The following LRRC40 variants were observed in gnomAD, a reference collection of about 807,000 sequenced individuals.
The protein encoded by LRRC40 is leucine rich repeat containing 40.
In LRRC40, 76 loss-of-function variants were observed where a neutral mutation model predicts 72.8. The ratio of observed to expected loss-of-function variants is 1.04; its 90% CI spans 0.87 to 1.26. The LOEUF is 1.26. Ranked by LOEUF, LRRC40 falls within the 50% of genes most tolerant of loss-of-function variation. The pLI is 0.00. For missense variants in LRRC40, 684 were observed against 698.9 expected (o/e 0.98, Z 0.24); for synonymous variants, 243 against 254.2 (o/e 0.96, Z 0.42).
At chr1:70,165,210 A>G (rs1336261758) in intron 9 of LRRC40, among the ~76,000 whole-genome samples, 1 of 152,220 alleles carries the variant, frequency 6.6e-6, no homozygotes, top group Non-Finnish European at 1.5e-5. Context: ...TATTTGTAGG[A>G]TATCTGGGAC....
intron 10 of LRRC40, among the ~76,000 whole-genome samples, chr1:70,158,665 C>A (rs916453108): frequency 6.6e-6 from 1 of 151,976 alleles, no homozygotes; most frequent in East Asian, 1.9e-4. Context: ...TATTTGCTAC[C>A]ACAGCACATT....
intron 13 of LRRC40, among the ~76,000 whole-genome samples, chr1:70,150,873 G>GT (rs540313856): frequency 6.0e-4 from 91 of 152,268 alleles, no homozygotes; most frequent in African/African-American, 2.1e-3. Context: ...TAGAGCAATT[G>GT]TAATTATTTA....
intron 13 of LRRC40, among the ~76,000 whole-genome samples, chr1:70,149,149 T>C (rs1303637786): frequency 6.6e-6 from 1 of 152,220 alleles, no homozygotes; most frequent in Non-Finnish European, 1.5e-5. Context: ...CTGCTGGCTT[T>C]CTTGTCCAAG....
Position 70,173,811 on chromosome 1 carries a change from T to C in LRRC40, c.978-102A>G, listed in dbSNP as rs550290411. ...ATATGGCAAACAACATATCACAGAATAGTCTCAAAGAAAGGCCAAGTAATG... is the reference window on the plus strand; with the variant it reads ...ATATGGCAAACAACATATCACAGAACAGTCTCAAAGAAAGGCCAAGTAATG... On this transcript the variant is annotated intron_variant, in intron 7 of 14. Coordinates refer to ENST00000370952, the MANE Select transcript of LRRC40 (RefSeq NM_017768.5). 1.6e-5 allele frequency: 9 copies of C among 568,604 alleles called. No homozygotes were observed. The South Asian group carries it at 1.8e-4, about 11-fold the overall frequency. 35.2% of individuals were successfully genotyped at this position (568,604 alleles called of 1,614,324 possible). A position where few individuals can be genotyped will look rare whatever the true frequency, so the allele number is the denominator to read the frequency against.
At chr1:70,168,971 A>G (rs921650119) in intron 9 of LRRC40, among the ~76,000 whole-genome samples, 1 of 152,222 alleles carries the variant, frequency 6.6e-6, no homozygotes, top group African/African-American at 2.4e-5. Context: ...CAAGATCCCA[A>G]AATCAATAAC....
In LRRC40 at chr1:70,175,881, T is replaced by C; in HGVS notation, c.906A>G (p.Lys302=). 6.2e-7 allele frequency: 1 copy of C among 1,603,574 alleles called. No individual in the cohort carries two copies. Residue 302 remains lysine (K), a synonymous_variant, in exon 7 of 15, where the codon AAA becomes AAG. Transcript: ENST00000370952. ...LVLDLRDNKL[K]SVPDEIILLR... ...GTAGTATAATTTCATCTGGAACAGA[T>C]TTTAACTTGTTATCCCTCAGGTCTA...
rs765357783 is a variant in LRRC40 at position 70,148,506 on chromosome 1, C to T, written c.1684G>A (p.Gly562Ser). ...AGTTACCTTAAGTTTACACAATTAC[C>T]GAGCTCTGGTGGAATTTGTAAGAGG... is the stretch of plus-strand genomic sequence containing the variant. ...NDLLQIPPEL[G>S]NCVNLRTLLL... is the part of the protein sequence containing the mutation. Residue 562 changes from glycine to serine, a missense_variant, in exon 14 of 15, where the codon GGT (glycine) becomes AGT (serine). Coordinates refer to ENST00000370952, the MANE Select transcript of LRRC40 (RefSeq NM_017768.5). 17 of 1,611,852 alleles carry T rather than the reference C, an allele frequency of 1.1e-5. No homozygotes were observed. Among genetic ancestry groups the T allele is most frequent in the African/African-American group, 2.7e-5 (2 of 74,826 alleles).
intron 1 of LRRC40, 101 bp from the exon 2 acceptor site, chr1:70,189,374 T>TGA: frequency 2.1e-6 from 2 of 950,858 alleles, no homozygotes; most frequent in Non-Finnish European, 3.0e-6. Flanking sequence ...GCCATTCCAT[T>TGA]TATCTATTGA....
intron 6 of LRRC40, 38 bp downstream of exon 6, chr1:70,178,813 T>C: frequency 7.5e-7 from 1 of 1,341,326 alleles, no homozygotes; most frequent in East Asian, 2.6e-5. Flanking sequence ...AATTAACTTT[T>C]GGAAAATATA....
intron 1 of LRRC40, among the ~76,000 whole-genome samples, chr1:70,199,217 A>T (rs1326016730): frequency 1.2e-4 from 13 of 106,166 alleles, no homozygotes; most frequent in South Asian, 2.8e-4. Flanking sequence ...ACATAGTCTC[A>T]CACACACACA....
intron 12 of LRRC40, 63 bp downstream of exon 12, chr1:70,152,370 T>C (rs1571434897): frequency 2.4e-6 from 2 of 849,182 alleles, no homozygotes; most frequent in East Asian, 5.1e-5. Context: ...AAGAATAAGT[T>C]AGACAAAACT....
chr1:70,183,422 A>G (rs1668290172), intron 4 of LRRC40, among the ~76,000 whole-genome samples: 1 of 151,014 alleles, frequency 6.6e-6, no homozygotes, highest in South Asian at 2.1e-4. Context: ...AAAAAAAGAG[A>G]TGGATACACT....
chr1:70,165,183 TAAC>T (rs1421626189), intron 9 of LRRC40, among the ~76,000 whole-genome samples: 3 of 152,324 alleles, frequency 2.0e-5, no homozygotes, highest in Middle Eastern at 6.8e-3. Flanking sequence ...TCAAAAATAA[TAAC>T]AATTTCAGAG....
chr1:70,189,293 A>G lies in LRRC40; in HGVS notation c.152-20T>C. 9.4e-7 allele frequency: 1 copy of G among 1,065,316 alleles called. No homozygotes were observed. The highest frequency in any genetic ancestry group is 2.3e-4 in the Middle Eastern group (1 of 4,294). 66.0% of individuals were successfully genotyped at this position (1,065,316 alleles called of 1,614,324 possible). A position where few individuals can be genotyped will look rare whatever the true frequency, so the allele number is the denominator to read the frequency against. ...GCGGCACTAGTTCCATCAGCACCAC[A>G]CCAGGAAAAAAAAAAAAAAAAAAAA... is the stretch of plus-strand genomic sequence containing the variant. On this transcript the variant is annotated intron_variant, in intron 1 of 14. Transcript: ENST00000370952.
chr1:70,197,369 A>C (rs1421985240), intron 1 of LRRC40, among the ~76,000 whole-genome samples: 4 of 151,844 alleles, frequency 2.6e-5, no homozygotes, highest in African/African-American at 7.3e-5. Context: ...CCTCGAACTC[A>C]TGGCTTCAGG....
intron 4 of LRRC40, among the ~76,000 whole-genome samples, chr1:70,182,698 T>A (rs1334324354): frequency 6.6e-6 from 1 of 152,064 alleles, no homozygotes; most frequent in African/African-American, 2.4e-5. Context: ...TAATCCATAT[T>A]TATGCCAAGT....
chr1:70,151,425 T>C (rs560833270), intron 12 of LRRC40, among the ~76,000 whole-genome samples: 4 of 152,100 alleles, frequency 2.6e-5, no homozygotes, highest in Non-Finnish European at 5.9e-5. Flanking sequence ...TGCAACCAAT[T>C]GATAATGCAA....
At chr1:70,167,918 GAAA>G (rs1481775078) in intron 9 of LRRC40, among the ~76,000 whole-genome samples, 2 of 152,148 alleles carry the variant, frequency 1.3e-5, no homozygotes, top group Non-Finnish European at 2.9e-5. Context: ...CCTGGCCTTG[GAAA>G]TGATTCTAAT....
rs35925333 is a variant in LRRC40, at chr1:70,158,099, C to CAAA, written c.1220+1228_1220+1230dup. Among the ~76,000 whole-genome samples the CAAA allele has an allele frequency of 1.4e-3, 27 of 19,192 alleles. 3 individuals carry two copies. Among genetic ancestry groups the CAAA allele is most frequent in the African/African-American group, 2.6e-3 (11 of 4,298 alleles). The allele number at this position is 19,192 out of a possible 152,430, so 12.6% of individuals were successfully genotyped here. A position where few individuals can be genotyped will look rare whatever the true frequency, so the allele number is the denominator to read the frequency against. On this transcript the variant is annotated intron_variant, in intron 10 of 14. Coordinates refer to ENST00000370952, the MANE Select transcript of LRRC40 (RefSeq NM_017768.5). ...TGGGCAACAGAGCAAGACCCTGCCTCAAAAAAAAAAAAAAAAAAAAAAAAA... is the reference window on the plus strand; with the variant it reads ...TGGGCAACAGAGCAAGACCCTGCCTCAAAAAAAAAAAAAAAAAAAAAAAAAAAA...
Sources: gnomAD v4.1 joint callset for allele counts (sites outside exome capture counted in the v4.1 genomes callset) on GRCh38, gnomAD v4.1.1 for gene constraint, MANE v1.5 for transcripts, NCBI Gene and HGNC (gene_info 2026-07-23, HGNC 2026-07-21) for gene names.